Variants in PCSK2 observed in about 807,000 individuals in gnomAD.
The protein encoded by PCSK2 is neuroendocrine convertase 2.
PCSK2 carries 14 observed loss-of-function variants against 69.7 expected under a neutral mutation model. The ratio of observed to expected loss-of-function variants is 0.20; its 90% CI spans 0.13 to 0.31. PCSK2 has a LOEUF of 0.31. PCSK2 is among the 10% of genes least tolerant of loss of function. The probability of loss-of-function intolerance (pLI) is 1.00; values close to 1 mark genes in which losing one functional copy is unlikely to be tolerated. For synonymous variants in PCSK2, 307 were observed against 320.7 expected, an observed-to-expected ratio of 0.96 and a Z score of 0.46; for missense variants, 544 against 842.5, an observed-to-expected ratio of 0.65 and a Z score of 4.39.
chr20:17,303,515 TAATATAATA>T (rs1989208888), intron 2 of PCSK2, among the ~76,000 whole-genome samples: 2 of 23,848 alleles, frequency 8.4e-5, no homozygotes, highest in South Asian at 1.4e-3. Context: ...ATATTATATA[TAATATAATA>T]TATATTATAT....
rs151291109 is a variant in PCSK2 at position 17,242,095 on chromosome 20, C to G, written c.177+14613C>G. ...TGAATCCCACTATGGACAGTGAGCT[C>G]AGCCCTAGAATAATGGATAACCATG... On this transcript the variant is annotated intron_variant, in intron 1 of 11. Coordinates refer to ENST00000262545, the MANE Select transcript of PCSK2 (RefSeq NM_002594.5). Among the ~76,000 whole-genome samples the G allele has an allele frequency of 9.8e-4, 149 of 152,292 alleles. 7 individuals carry two copies. The East Asian group carries it at 0.027, about 28-fold the overall frequency.
intron 2 of PCSK2, among the ~76,000 whole-genome samples, chr20:17,266,839 A>G (rs867138136): frequency 6.6e-6 from 1 of 152,112 alleles, no homozygotes; most frequent in African/African-American, 2.4e-5. Flanking sequence ...CTCAAAGGAA[A>G]CATAGTCTTA....
intron 5 of PCSK2, among the ~76,000 whole-genome samples, chr20:17,394,248 C>T (rs2031456409): frequency 6.6e-6 from 1 of 152,204 alleles, no homozygotes; most frequent in East Asian, 1.9e-4. Flanking sequence ...ATGATACTGA[C>T]GTCAACAAAA....
intron 2 of PCSK2, among the ~76,000 whole-genome samples, chr20:17,303,993 A>T (rs567929420): frequency 6.7e-6 from 1 of 150,142 alleles, no homozygotes; most frequent in Non-Finnish European, 1.5e-5. Context: ...AACCATATAT[A>T]GCTATTACAT....
chr20:17,325,857 G>A (rs1261409803), intron 2 of PCSK2, among the ~76,000 whole-genome samples: 1 of 152,144 alleles, frequency 6.6e-6, no homozygotes, highest in Non-Finnish European at 1.5e-5. Flanking sequence ...GTATAGCCCA[G>A]GCATGTTCTT....
At chr20:17,323,031 A>G (rs571886343) in intron 2 of PCSK2, among the ~76,000 whole-genome samples, 25 of 152,102 alleles carry the variant, frequency 1.6e-4, no homozygotes, top group Admixed American at 7.9e-4. Flanking sequence ...CGCCTGGCTA[A>G]TTTTTGTATT....
At chr20:17,326,580 G>A (rs561125851) in intron 2 of PCSK2, among the ~76,000 whole-genome samples, 6 of 152,300 alleles carry the variant, frequency 3.9e-5, no homozygotes, top group East Asian at 1.9e-4. Context: ...AGTATATGGC[G>A]ACTCTGTGCT....
chr20:17,429,347 T>G, intron 6 of PCSK2, 88 bp from the exon 7 acceptor site: 1 of 923,416 alleles, frequency 1.1e-6, no homozygotes, highest in Non-Finnish European at 1.8e-6. Context: ...AGATTTCATT[T>G]TTGTTCCAAA....
intron 2 of PCSK2, among the ~76,000 whole-genome samples, chr20:17,300,490 G>T (rs145042259): frequency 1.3e-5 from 2 of 152,184 alleles, no homozygotes; most frequent in South Asian, 4.1e-4. Flanking sequence ...TATGCATGTT[G>T]TCTGATTTAC....
chr20:17,283,833 A>G (rs982800983), intron 2 of PCSK2, among the ~76,000 whole-genome samples: 6 of 152,222 alleles, frequency 3.9e-5, no homozygotes, highest in Non-Finnish European at 5.9e-5. Flanking sequence ...ATGTTTGCTC[A>G]GCCCCACGTC....
At chr20:17,285,667 C>T (rs1988487813) in intron 2 of PCSK2, among the ~76,000 whole-genome samples, 2 of 152,242 alleles carry the variant, frequency 1.3e-5, no homozygotes. Context: ...GAGCAGTAGC[C>T]TTCAGACCAA....
chr20:17,242,677 A>G (rs1417593137), intron 1 of PCSK2, among the ~76,000 whole-genome samples: 1 of 152,194 alleles, frequency 6.6e-6, no homozygotes, highest in Admixed American at 6.5e-5. Flanking sequence ...TTGAGGCTGA[A>G]TGAGATCTTT....
intron 1 of PCSK2, among the ~76,000 whole-genome samples, chr20:17,230,236 G>A (rs1348578320): frequency 1.3e-5 from 2 of 151,992 alleles, no homozygotes; most frequent in African/African-American, 2.4e-5. Context: ...TCCCTGCTCC[G>A]AGGCTCAGTG....
chr20:17,262,041 G>C (rs1987408062), intron 2 of PCSK2, among the ~76,000 whole-genome samples: 1 of 152,164 alleles, frequency 6.6e-6, no homozygotes, highest in Non-Finnish European at 1.5e-5. Context: ...TAGCACCACT[G>C]GCCTGAGCTT....
At chr20:17,285,158 A>G (rs934115830) in intron 2 of PCSK2, among the ~76,000 whole-genome samples, 2 of 152,236 alleles carry the variant, frequency 1.3e-5, no homozygotes, top group Non-Finnish European at 2.9e-5. Context: ...AATTCTTCTT[A>G]ACCCTGTGAG....
chr20:17,476,435 C>T (rs2123419652), intron 11 of PCSK2, among the ~76,000 whole-genome samples: 1 of 152,256 alleles, frequency 6.6e-6, no homozygotes, highest in South Asian at 2.1e-4. Context: ...TTCAATTGCT[C>T]ATTAGCCACA....
In PCSK2 at chr20:17,326,556, G is replaced by A. The variant is rs1272627765; in HGVS notation, c.283-31771G>A. 3.3e-5 allele frequency among the ~76,000 whole-genome samples: 5 copies of A among 152,304 alleles called. No homozygotes were observed. The South Asian group carries it at 1.0e-3, about 32-fold the overall frequency. ...CTAATGGCAGATGTTAATAACAGGGGAAATTGGGTAAGGAGTATATGGCGA... is the reference window on the plus strand; with the variant it reads ...CTAATGGCAGATGTTAATAACAGGGAAAATTGGGTAAGGAGTATATGGCGA... On this transcript the variant is annotated intron_variant, in intron 2 of 11. Transcript: ENST00000262545.
At chr20:17,294,589 T>C (rs1423760576) in intron 2 of PCSK2, among the ~76,000 whole-genome samples, 2 of 152,210 alleles carry the variant, frequency 1.3e-5, no homozygotes, top group Non-Finnish European at 2.9e-5. Flanking sequence ...CTGTAAAATA[T>C]ATCACATGTT....
intron 6 of PCSK2, among the ~76,000 whole-genome samples, chr20:17,410,457 G>T (rs1052779907): frequency 2.0e-5 from 3 of 152,050 alleles, no homozygotes; most frequent in African/African-American, 7.2e-5. Flanking sequence ...TCTCATCAAG[G>T]GTTGACACAG....
Sources: gnomAD v4.1 joint callset for allele counts (sites outside exome capture counted in the v4.1 genomes callset) on GRCh38, gnomAD v4.1.1 for gene constraint, MANE v1.5 for transcripts, NCBI Gene and HGNC (gene_info 2026-07-23, HGNC 2026-07-21) for gene names.